The following PLEKHG3 variants were observed in gnomAD, a reference collection of about 807,000 sequenced individuals.
PLEKHG3 encodes the protein pleckstrin homology domain-containing family G member 3.
Under a neutral mutation model 94.9 loss-of-function variants are expected in PLEKHG3, and 62 were observed. The ratio of observed to expected loss-of-function variants is 0.65; its 90% CI spans 0.53 to 0.81. The LOEUF is 0.81. Among genes scored for constraint, PLEKHG3 ranks in the 30% least tolerant of loss-of-function variants. The pLI is 0.00. For synonymous variants in PLEKHG3, 614 were observed against 654.0 expected (o/e 0.94, Z 0.93); for missense variants, 1,461 against 1,619.3 (o/e 0.90, Z 1.68).
At position 64,728,850 on chromosome 14, in the gene PLEKHG3, G is replaced by C; in HGVS notation, c.352-146G>C. ...AAGTCACATTCTGGGGTTCCAAGTG[G>C]ACATGAATTTTGGGGTGGACACTGT... On this transcript the variant is annotated intron_variant, in intron 2 of 16. Coordinates refer to ENST00000247226, the MANE Select transcript of PLEKHG3 (RefSeq NM_001308147.2). This position sits in a 1 kb window ranked among gnomAD's most constrained non-coding sequence, Gnocchi z 5.9. 2 of 510,492 alleles carry C rather than the reference G, an allele frequency of 3.9e-6. No homozygotes were observed. Among genetic ancestry groups the C allele is most frequent in the Non-Finnish European group, 7.0e-6 (2 of 285,654 alleles). The allele number at this position is 510,492 out of a possible 1,614,324, so 31.6% of individuals were successfully genotyped here.
chr14:64,726,954 C>T lies in PLEKHG3; in HGVS notation c.-39-639C>T, dbSNP rs185617130. 6.6e-6 allele frequency among the ~76,000 whole-genome samples: 1 copy of T among 152,302 alleles called. No individual in the cohort carries two copies. The highest frequency in any genetic ancestry group is 6.5e-5 in the Admixed American group (1 of 15,304). ...AACCAGATCTTTGCCCATCCCTGTA[C>T]AGTGACCCCAGCACAGGCCACAGAC... On this transcript the variant is annotated intron_variant, in intron 1 of 16. Transcript: ENST00000247226. This position sits in a 1 kb window ranked among gnomAD's most constrained non-coding sequence, Gnocchi z 5.1.
intron 1 of PLEKHG3, among the ~76,000 whole-genome samples, chr14:64,706,921 TA>T (rs991912236): frequency 6.6e-6 from 1 of 152,218 alleles, no homozygotes; most frequent in Non-Finnish European, 1.5e-5. Context: ...CTTGGAGGGT[TA>T]AAAGTGAAGC....
At position 64,743,865 on chromosome 14, in the gene PLEKHG3, G is replaced by T. The variant is rs1470161171; in HGVS notation, c.*162G>T. On this transcript the variant is annotated 3_prime_UTR_variant, in exon 17 of 17. Transcript: ENST00000247226. The surrounding 1 kb of genome is among the most constrained non-coding windows in gnomAD (Gnocchi z 7.2). ...AGGAAGGATGCTCCCGTGTGCAGGG[G>T]TCTCCTGCCTGTGCCATCCACTGGG... The T allele has an allele frequency of 3.4e-5, 24 of 707,936 alleles. No individual in the cohort carries two copies. In the South Asian group the frequency reaches 4.7e-4, roughly 14 times the overall value. 43.9% of individuals were successfully genotyped at this position (707,936 alleles called of 1,614,324 possible).
Position 64,729,008 on chromosome 14 carries a change from A to C in PLEKHG3, c.364A>C (p.Lys122Gln). The change falls in exon 3 of 17, where the codon AAG becomes CAG. Residue 122 changes from lysine (K) to glutamine (Q), a missense_variant. By Grantham distance (53) the Lys-to-Gln change is moderately conservative. Transcript: ENST00000247226. ...LRSIVEDYLL[K>Q]IIDTPGLLKP... ...TCCCTCCACGCAGGACTACCTCTTG[A>C]AGATCATTGACACACCCGGGCTGCT... 1 of 1,501,816 alleles carries C rather than the reference A, an allele frequency of 6.7e-7. No homozygotes were observed. The highest frequency in any genetic ancestry group is 1.7e-4 in the Middle Eastern group (1 of 5,916). The allele number at this position is 1,501,816 out of a possible 1,614,324, so 93.0% of individuals were successfully genotyped here.
chr14:64,715,751 T>C lies in PLEKHG3; in HGVS notation c.-40+11047T>C. Reference sequence around the variant, plus strand: ...GGAGGTTTGTGCAGGTCCTCAGCCCTGTGGCGCTCACCTCCCAGGGCTGTG... The same window carrying C: ...GGAGGTTTGTGCAGGTCCTCAGCCCCGTGGCGCTCACCTCCCAGGGCTGTG... On this transcript the variant is annotated intron_variant, in intron 1 of 16. Coordinates refer to ENST00000247226, the MANE Select transcript of PLEKHG3 (RefSeq NM_001308147.2). This position sits in a 1 kb window ranked among gnomAD's most constrained non-coding sequence, Gnocchi z 4.4. 1 of 321,504 alleles carries C rather than the reference T, an allele frequency of 3.1e-6. No homozygotes were observed. The highest frequency in any genetic ancestry group is 4.6e-5 in the Admixed American group (1 of 21,684). 19.9% of individuals were successfully genotyped at this position (321,504 alleles called of 1,614,324 possible).
Position 64,727,714 on chromosome 14 carries a change from C to T in PLEKHG3, c.83C>T (p.Ser28Phe), listed in dbSNP as rs529562926. The stretch of plus-strand genomic sequence containing the variant: ...ACCTCTACCACCTCCTCGTCGGGCT[C>T]CTCCTGTGACAGTCGCAGTGCCATG... Reference protein sequence around the residue: ...SLTSTTSSSGSSCDSRSAMEE... With the variant: ...SLTSTTSSSGFSCDSRSAMEE... The change falls in exon 2 of 17, where the codon TCC (serine) becomes TTC (phenylalanine). Residue 28 changes from serine (S) to phenylalanine (F), a missense_variant. Physicochemically the swap from Ser to Phe is radical, Grantham distance 155 (BLOSUM62 -2). This residue lies in a region of PLEKHG3 where 253 missense variants were observed against 297.8 expected (regional missense o/e 0.85). Transcript: ENST00000247226. The surrounding 1 kb of genome is among the most constrained non-coding windows in gnomAD (Gnocchi z 6.0). 6.5e-5 allele frequency: 104 copies of T among 1,612,378 alleles called. 1 individual carries two copies. In the South Asian group the frequency reaches 8.6e-4, roughly 13 times the overall value.
At position 64,735,489 on chromosome 14, in the gene PLEKHG3, A is replaced by G. The variant is rs536716177; in HGVS notation, c.1346-1364A>G. 2.9e-4 allele frequency among the ~76,000 whole-genome samples: 44 copies of G among 152,346 alleles called. No individual in the cohort carries two copies. The South Asian group carries it at 3.3e-3, about 11-fold the overall frequency. On this transcript the variant is annotated intron_variant, in intron 12 of 16. Transcript: ENST00000247226. ...GCTAGGCATGGTGGTGTGCACCTAT[A>G]GTCCTAGCTACTCTGGAGGCTGAGG...
In PLEKHG3 at chr14:64,732,072, C is replaced by G. The variant is rs1298848427; in HGVS notation, c.1126-23C>G. 2.6e-6 allele frequency: 4 copies of G among 1,549,362 alleles called. No homozygotes were observed. The highest frequency in any genetic ancestry group is 3.6e-6 in the Non-Finnish European group (4 of 1,121,008). On this transcript the variant is annotated intron_variant, in intron 9 of 16. Transcript: ENST00000247226. The surrounding 1 kb of genome is among the most constrained non-coding windows in gnomAD (Gnocchi z 4.9). ...AGGCCTGTAATGATAACCACTGGGT[C>G]CCTTTCCCTTGGGTCCTCCCAGGCC...
chr14:64,729,120 A>G, intron 3 of PLEKHG3, 27 bp downstream of exon 3: 1 of 1,091,316 alleles, frequency 9.2e-7, no homozygotes, highest in South Asian at 1.4e-5. Context: ...GACACTCACC[A>G]TGTTCTGCCT....
In PLEKHG3 at chr14:64,741,877, T is replaced by C; in HGVS notation, c.2360T>C (p.Phe787Ser). The change falls in exon 16 of 17, where the codon TTT becomes TCT. Residue 787 changes from phenylalanine to serine, a missense_variant. Coordinates refer to ENST00000247226, the MANE Select transcript of PLEKHG3 (RefSeq NM_001308147.2). Reference sequence around the variant, plus strand: ...TCCCGGCCGACTTCGTGGGCCCTGTTTGAGCTCCCAGGACCAAGCCAGGCA... The same window carrying C: ...TCCCGGCCGACTTCGTGGGCCCTGTCTGAGCTCCCAGGACCAAGCCAGGCA... The part of the protein sequence containing the change: ...VGSRPTSWAL[F>S]ELPGPSQAVK... 1 of 1,612,698 alleles carries C rather than the reference T, an allele frequency of 6.2e-7. No homozygotes were observed. The highest frequency in any genetic ancestry group is 8.5e-7 in the Non-Finnish European group (1 of 1,179,604).
In PLEKHG3 at chr14:64,732,843, G is replaced by A; in HGVS notation, c.1287G>A (p.Lys429=). 6.2e-7 allele frequency: 1 copy of A among 1,611,156 alleles called. No homozygotes were observed. The highest frequency in any genetic ancestry group is 1.1e-5 in the South Asian group (1 of 90,104). ...RYRCSPERLK[K]AWSSQDEVST... ...GCTGCAGCCCAGAGCGGCTGAAGAA[G>A]GCTTGGTCCTCCCAGGATGAGGTGT... The change falls in exon 12 of 17, where the codon AAG becomes AAA. Residue 429 remains lysine, a synonymous_variant. Transcript: ENST00000247226. This position sits in a 1 kb window ranked among gnomAD's most constrained non-coding sequence, Gnocchi z 4.9.
intron 12 of PLEKHG3, among the ~76,000 whole-genome samples, chr14:64,734,513 T>A (rs183784801): frequency 3.9e-5 from 6 of 152,326 alleles, no homozygotes; most frequent in Admixed American, 3.9e-4. Flanking sequence ...TGAATTGTAT[T>A]TGAATTATAT....
chr14:64,708,838 G>A (rs1011710424), intron 1 of PLEKHG3, among the ~76,000 whole-genome samples: 2 of 130,932 alleles, frequency 1.5e-5, no homozygotes, highest in Admixed American at 8.7e-5. Flanking sequence ...CAAGTATGTC[G>A]CTGCACACTC....
intron 12 of PLEKHG3, among the ~76,000 whole-genome samples, chr14:64,733,309 C>T (rs913745785): frequency 3.3e-5 from 5 of 151,766 alleles, no homozygotes; most frequent in African/African-American, 4.8e-5. Flanking sequence ...GGACTACAAG[C>T]GTGCACCACC....
chr14:64,738,131 G>A lies in PLEKHG3; in HGVS notation c.1405-611G>A, dbSNP rs746108155. The A allele has an allele frequency of 1.8e-5, 23 of 1,299,298 alleles. No individual in the cohort carries two copies. The highest frequency in any genetic ancestry group is 2.2e-5 in the Non-Finnish European group (22 of 994,656). 80.5% of individuals were successfully genotyped at this position (1,299,298 alleles called of 1,614,324 possible). A position where few individuals can be genotyped will look rare whatever the true frequency, so the allele number is the denominator to read the frequency against. On this transcript the variant is annotated intron_variant, in intron 14 of 16. Coordinates refer to ENST00000247226, the MANE Select transcript of PLEKHG3 (RefSeq NM_001308147.2). The surrounding 1 kb of genome is among the most constrained non-coding windows in gnomAD (Gnocchi z 4.8). Reference sequence around the variant, plus strand: ...AGCAGGAGGAGAGCCTGGCGGTGGCGGAGCAGGTAGCCGACTTTGCCAGCT... The same window carrying A: ...AGCAGGAGGAGAGCCTGGCGGTGGCAGAGCAGGTAGCCGACTTTGCCAGCT...
rs1327196811 is a variant in PLEKHG3 at position 64,718,158 on chromosome 14, G to A, written c.-39-9435G>A. 6.6e-6 allele frequency among the ~76,000 whole-genome samples: 1 copy of A among 152,198 alleles called. No homozygotes were observed. Among genetic ancestry groups the A allele is most frequent in the African/African-American group, 2.4e-5 (1 of 41,438 alleles). The stretch of plus-strand genomic sequence containing the variant: ...CCTAGAAAGCTTCCTGGTCCCCTAA[G>A]TAGCACTAGCTACTCCTTCTGTTAG... On this transcript the variant is annotated intron_variant, in intron 1 of 16. Transcript: ENST00000247226. The surrounding 1 kb of genome is among the most constrained non-coding windows in gnomAD (Gnocchi z 5.0).
At chr14:64,742,813 A>G (rs1436214160) in intron 16 of PLEKHG3, among the ~76,000 whole-genome samples, 169 bp from the exon 17 acceptor site, 2 of 151,986 alleles carry the variant, frequency 1.3e-5, no homozygotes, top group Non-Finnish European at 1.5e-5. Flanking sequence ...CATTCTTCCT[A>G]TGGCCCTTCA....
chr14:64,747,822 C>T lies in PLEKHG3; in HGVS notation c.*4119C>T, dbSNP rs1057279046. 6 of 141,564 alleles carry T rather than the reference C, an allele frequency of 4.2e-5. No homozygotes were observed. The highest frequency in any genetic ancestry group is 7.0e-5 in the Admixed American group (1 of 14,262). The allele number at this position is 141,564 out of a possible 1,614,324, so 8.8% of individuals were successfully genotyped here. On this transcript the variant is annotated 3_prime_UTR_variant, in exon 17 of 17. Transcript: ENST00000247226. ...TCCGCCCTCCCCCCCACCCCCGACC[C>T]GCTTGACTGCTCTCTTGGACCTAAC...
Position 64,741,916 on chromosome 14 carries a change from C to A in PLEKHG3, c.2399C>A (p.Pro800Gln). The A allele has an allele frequency of 6.3e-7, 1 of 1,591,456 alleles. No individual in the cohort carries two copies. Among genetic ancestry groups the A allele is most frequent in the Non-Finnish European group, 8.5e-7 (1 of 1,170,250 alleles). The change falls in exon 16 of 17, where the codon CCA becomes CAA. Residue 800 changes from proline (P) to glutamine (Q), a missense_variant. This residue lies in a region of PLEKHG3 where 1,201 missense variants were observed against 1,295.5 expected (regional missense o/e 0.93). Coordinates refer to ENST00000247226, the MANE Select transcript of PLEKHG3 (RefSeq NM_001308147.2). ...CCAAGCCAGGCAGTCAAAGGGGACC[C>A]ACCTCCCATCTCAGATGCTGAGTTC... Reference protein sequence around the residue: ...PGPSQAVKGDPPPISDAEFRP... With the variant: ...PGPSQAVKGDQPPISDAEFRP...
Sources: gnomAD v4.1 joint callset for allele counts (sites outside exome capture counted in the v4.1 genomes callset) on GRCh38, gnomAD v4.1.1 for gene constraint, gnomAD v4.1.1 regional missense constraint, Gnocchi (gnomAD v3.1) non-coding constraint, MANE v1.5 for transcripts, NCBI Gene and HGNC (gene_info 2026-07-23, HGNC 2026-07-21) for gene names.